The following RAB3IL1 variants were observed in gnomAD, a reference collection of about 807,000 sequenced individuals.
RAB3IL1 encodes the protein RAB3A interacting protein like 1.
A neutral mutation model predicts 49.2 loss-of-function variants in RAB3IL1; 37 were observed. That is an observed-to-expected ratio of 0.75 (90% confidence interval 0.58 to 0.99). The LOEUF (loss-of-function observed/expected upper bound fraction) is 0.99. RAB3IL1 is among the 50% of genes least tolerant of loss of function. The probability of loss-of-function intolerance (pLI) is 0.00; values close to 1 mark genes in which losing one functional copy is unlikely to be tolerated. For missense variants in RAB3IL1, 484 were observed against 513.0 expected, an observed-to-expected ratio of 0.94 and a Z score of 0.55; for synonymous variants, 193 against 213.9, an observed-to-expected ratio of 0.90 and a Z score of 0.85.
At chr11:61,920,129 TG>T, upstream of RAB3IL1, 1 of 1,349,066 alleles carries the variant, frequency 7.4e-7, no homozygotes. Context: ...CCTGCACTCA[TG>T]GCCAGGAACA....
At chr11:61,933,155 TC>T in the RAB3IL1 span, among the ~76,000 whole-genome samples, 1 of 152,210 alleles carries the variant, frequency 6.6e-6, no homozygotes, top group East Asian at 1.9e-4. Flanking sequence ...AGATATTGAA[TC>T]CTAATCTTTG....
At position 61,917,550 on chromosome 11, in the gene RAB3IL1, T is replaced by G. The variant is rs1173125958; in HGVS notation, c.-183A>C. The stretch of plus-strand genomic sequence containing the variant: ...GCGGCCCCCAGCCCAGCCCCGACCC[T>G]GCCCTGGGCGGGTCACGTGGCGGAG... On this transcript the variant is annotated 5_prime_UTR_variant, in exon 1 of 10. Transcript: ENST00000394836. The G allele has an allele frequency of 1.3e-5, 14 of 1,097,756 alleles. No individual in the cohort carries two copies. The highest frequency in any genetic ancestry group is 1.7e-5 in the African/African-American group (1 of 59,790). 68.0% of individuals were successfully genotyped at this position (1,097,756 alleles called of 1,614,324 possible).
At position 61,906,764 on chromosome 11, in the gene RAB3IL1, G is replaced by C. The variant is rs1165555915; in HGVS notation, c.439-80C>G. On this transcript the variant is annotated intron_variant, in intron 4 of 9. Transcript: ENST00000394836. The surrounding 1 kb of genome is among the most constrained non-coding windows in gnomAD (Gnocchi z 4.6). The stretch of plus-strand genomic sequence containing the variant: ...TGCCACCGCCTATCAGCCTAACTCA[G>C]GACAATGCACCCCTGCAGTGACAGG... The C allele has an allele frequency of 7.5e-7, 1 of 1,330,296 alleles. No homozygotes were observed. Among genetic ancestry groups the C allele is most frequent in the African/African-American group, 1.4e-5 (1 of 69,344 alleles). 82.4% of individuals were successfully genotyped at this position (1,330,296 alleles called of 1,614,324 possible).
chr11:61,911,712 G>A (rs1565365511), intron 1 of RAB3IL1, among the ~76,000 whole-genome samples: 1 of 152,188 alleles, frequency 6.6e-6, no homozygotes, highest in Non-Finnish European at 1.5e-5. Flanking sequence ...AAAGGAGCCT[G>A]TTCAGAGGGT....
chr11:61,934,319 T>TACACACACACACACAC, the RAB3IL1 span, among the ~76,000 whole-genome samples: 34 of 126,556 alleles, frequency 2.7e-4, no homozygotes, highest in African/African-American at 8.2e-4. Context: ...TGAGTAAATA[T>TACACACACACACACAC]ACACACACAC....
chr11:61,927,448 C>T, the RAB3IL1 span, among the ~76,000 whole-genome samples: 1 of 152,188 alleles, frequency 6.6e-6, no homozygotes, highest in South Asian at 2.1e-4. Flanking sequence ...TCTGGGAGCA[C>T]ATCCAGGAAC....
chr11:61,907,333 C>A, intron 4 of RAB3IL1, 60 bp downstream of exon 4: 1 of 1,570,778 alleles, frequency 6.4e-7, no homozygotes, highest in African/African-American at 1.3e-5. Context: ...TCAGTGCTCG[C>A]TGAGCCGGGA....
chr11:61,904,136 C>T (rs1939055172), intron 7 of RAB3IL1, among the ~76,000 whole-genome samples: 1 of 152,042 alleles, frequency 6.6e-6, no homozygotes, highest in Non-Finnish European at 1.5e-5. Context: ...AGGCTCTTGG[C>T]TGCCAAGGTG....
chr11:61,920,958 TTTTATTTTTTTTC>T (rs1939892472), upstream of RAB3IL1, among the ~76,000 whole-genome samples: 1 of 152,148 alleles, frequency 6.6e-6, no homozygotes, highest in Non-Finnish European at 1.5e-5. Context: ...AACTGTTATT[TTTTATTTTTTTTC>T]TTTATTTTTA....
Position 61,908,213 on chromosome 11 carries a change from G to A in RAB3IL1, c.105C>T (p.Ser35=). 6.5e-7 allele frequency: 1 copy of A among 1,543,438 alleles called. No homozygotes were observed. Among genetic ancestry groups the A allele is most frequent in the Non-Finnish European group, 8.7e-7 (1 of 1,144,420 alleles). The change falls in exon 2 of 10, where the codon TCC becomes TCT. Residue 35 remains serine, a synonymous_variant. Coordinates refer to ENST00000394836, the MANE Select transcript of RAB3IL1 (RefSeq NM_013401.4). ...STDPCQGHRE[S]PGALVETSAG... ...CAGAGGTCTCCACCAGGGCTCCTGG[G>A]GACTCCCTGTGGCCTTGGCAGGGGT...
the RAB3IL1 span, among the ~76,000 whole-genome samples, chr11:61,942,470 AAAAC>A: frequency 2.1e-3 from 324 of 151,238 alleles, 1 homozygote; most frequent in African/African-American, 5.7e-3. Flanking sequence ...AATAAATTAA[AAAAC>A]AAACAAACAA....
chr11:61,929,603 T>G, the RAB3IL1 span, among the ~76,000 whole-genome samples: 14 of 151,774 alleles, frequency 9.2e-5, no homozygotes, highest in Non-Finnish European at 1.5e-4. Context: ...TTTTTTTTTT[T>G]TGAGACAGAG....
the RAB3IL1 span, chr11:61,945,752 G>T: frequency 1.0e-6 from 1 of 985,086 alleles, no homozygotes. Context: ...GGTGGAAGGT[G>T]GATAGTGGTC....
intron 2 of RAB3IL1, 33 bp from the exon 3 acceptor site, chr11:61,907,693 C>T: frequency 6.3e-7 from 1 of 1,599,938 alleles, no homozygotes; most frequent in Non-Finnish European, 8.6e-7. Flanking sequence ...TTGAGCACCT[C>T]AGCATCCCCA....
chr11:61,918,152 G>GAC (rs141234216), upstream of RAB3IL1, among the ~76,000 whole-genome samples: 1 of 146,570 alleles, frequency 6.8e-6, no homozygotes, highest in Non-Finnish European at 1.5e-5. Context: ...CACCCCCACC[G>GAC]ACACACACAC....
chr11:61,926,066 C>T, the RAB3IL1 span, among the ~76,000 whole-genome samples: 3 of 121,380 alleles, frequency 2.5e-5, no homozygotes, highest in East Asian at 2.2e-4. Flanking sequence ...TAGATCTGTC[C>T]GCATTCAAAT....
chr11:61,926,497 G>C, the RAB3IL1 span, among the ~76,000 whole-genome samples: 5 of 152,318 alleles, frequency 3.3e-5, no homozygotes, highest in East Asian at 9.6e-4. Flanking sequence ...TGGGTCATGG[G>C]AGCTTGGTTC....
At chr11:61,945,708 C>T in the RAB3IL1 span, 12 of 951,236 alleles carry the variant, frequency 1.3e-5, no homozygotes, top group South Asian at 4.9e-5. Flanking sequence ...CCACCTGCCA[C>T]GAGCCCCAGT....
the RAB3IL1 span, among the ~76,000 whole-genome samples, chr11:61,926,924 C>T: frequency 1.3e-5 from 2 of 152,024 alleles, no homozygotes; most frequent in East Asian, 3.9e-4. Context: ...AATCTTGGCT[C>T]ACTGCAACCT....
Sources: gnomAD v4.1 joint callset for allele counts (sites outside exome capture counted in the v4.1 genomes callset) on GRCh38, gnomAD v4.1.1 for gene constraint, Gnocchi (gnomAD v3.1) non-coding constraint, MANE v1.5 for transcripts, NCBI Gene and HGNC (gene_info 2026-07-23, HGNC 2026-07-21) for gene names.